The following MYT1L variants were observed in gnomAD, a reference collection of about 807,000 sequenced individuals.
MYT1L encodes the protein myelin transcription factor 1 like.
Under a neutral mutation model 126.7 loss-of-function variants are expected in MYT1L, and 12 were observed. The observed-to-expected ratio is 0.09, with a 90% CI of 0.06 to 0.15. MYT1L has a LOEUF of 0.15. Ranked by LOEUF, MYT1L falls within the 10% of genes least tolerant of loss-of-function variation. The probability of loss-of-function intolerance (pLI) is 1.00; values close to 1 mark genes in which losing one functional copy is unlikely to be tolerated. For missense variants in MYT1L, 979 were observed against 1,585.2 expected (o/e 0.62, Z 6.49); for synonymous variants, 541 against 604.2 (o/e 0.90, Z 1.53).
intron 3 of MYT1L, among the ~76,000 whole-genome samples, chr2:2,120,562 G>C (rs2080854718): frequency 6.6e-6 from 1 of 151,916 alleles, no homozygotes; most frequent in African/African-American, 2.4e-5. Context: ...ATTGTGCCCT[G>C]AAGGCCGGCT....
chr2:2,247,539 T>C (rs755937802), intron 2 of MYT1L, among the ~76,000 whole-genome samples: 1 of 152,162 alleles, frequency 6.6e-6, no homozygotes, highest in African/African-American at 2.4e-5. Flanking sequence ...ATGGACCTAA[T>C]AGATATTTAA....
At chr2:1,967,291 T>A (rs952131170) in intron 8 of MYT1L, among the ~76,000 whole-genome samples, 1 of 152,212 alleles carries the variant, frequency 6.6e-6, no homozygotes, top group Non-Finnish European at 1.5e-5. Flanking sequence ...AAAAGCCCCA[T>A]GGTTGGTGCC....
rs1359130813 is a variant in MYT1L, at chr2:1,801,329, A to G, written c.3276+367T>C. On this transcript the variant is annotated intron_variant, in intron 23 of 24. Transcript: ENST00000647738. The surrounding 1 kb of genome is among the most constrained non-coding windows in gnomAD (Gnocchi z 4.2). ...ACTCCTTGTTTTAAATTCTGGGAAC[A>G]TCGGCTGTCGCCATACATTTAATAT... 1.2e-5 allele frequency: 2 copies of G among 165,666 alleles called. No homozygotes were observed. The highest frequency in any genetic ancestry group is 6.4e-5 in the Admixed American group (1 of 15,664). The allele number at this position is 165,666 out of a possible 1,614,324, so 10.3% of individuals were successfully genotyped here.
chr2:2,241,274 T>TC (rs199705964), intron 2 of MYT1L, among the ~76,000 whole-genome samples: 1 of 120,982 alleles, frequency 8.3e-6, no homozygotes, highest in East Asian at 4.1e-4. Context: ...AAATACATCT[T>TC]TTGTGTGTGT....
intron 3 of MYT1L, among the ~76,000 whole-genome samples, chr2:2,085,070 C>T (rs969057760): frequency 2.0e-5 from 3 of 152,130 alleles, no homozygotes; most frequent in African/African-American, 7.2e-5. Flanking sequence ...CATGCATTCT[C>T]CTTTCACCTC....
At chr2:1,967,071 T>C (rs1224645997) in intron 8 of MYT1L, among the ~76,000 whole-genome samples, 1 of 152,208 alleles carries the variant, frequency 6.6e-6, no homozygotes, top group Admixed American at 6.5e-5. Flanking sequence ...CACGGATGAA[T>C]TGTGACAACA....
At chr2:2,193,425 C>T (rs573759248) in intron 2 of MYT1L, among the ~76,000 whole-genome samples, 2 of 152,284 alleles carry the variant, frequency 1.3e-5, no homozygotes, top group South Asian at 2.1e-4. Context: ...AAGTCATGTG[C>T]CCTGGAGTCA....
intron 1 of MYT1L, among the ~76,000 whole-genome samples, chr2:2,308,077 C>T (rs2095884798): frequency 6.6e-6 from 1 of 151,846 alleles, no homozygotes; most frequent in Admixed American, 6.6e-5. Flanking sequence ...ATCTATACTT[C>T]TGTACACTCT....
At chr2:2,225,495 G>A (rs2093985212) in intron 2 of MYT1L, among the ~76,000 whole-genome samples, 1 of 152,212 alleles carries the variant, frequency 6.6e-6, no homozygotes, top group South Asian at 2.1e-4. Flanking sequence ...CATGGACATT[G>A]CTGGTTGGGA....
intron 5 of MYT1L, among the ~76,000 whole-genome samples, chr2:1,996,155 G>A (rs949322412): frequency 2.0e-5 from 3 of 152,236 alleles, no homozygotes; most frequent in African/African-American, 7.2e-5. Context: ...GTCTGGAAGA[G>A]GCTAGGAAAC....
intron 3 of MYT1L, among the ~76,000 whole-genome samples, chr2:2,101,552 C>T (rs919948838): frequency 6.6e-6 from 1 of 151,886 alleles, no homozygotes; most frequent in East Asian, 1.9e-4. Context: ...CATCCATCAA[C>T]CCATCCATCC....
At chr2:2,033,900 A>G (rs2066702765) in intron 4 of MYT1L, among the ~76,000 whole-genome samples, 1 of 152,142 alleles carries the variant, frequency 6.6e-6, no homozygotes, top group Non-Finnish European at 1.5e-5. Context: ...TCCCAGGTGC[A>G]TTTCACTCTA....
At chr2:2,187,183 C>A (rs2092273886) in intron 2 of MYT1L, among the ~76,000 whole-genome samples, 1 of 152,054 alleles carries the variant, frequency 6.6e-6, no homozygotes, top group Admixed American at 6.6e-5. Context: ...TCCACCGAGG[C>A]CTTTCCTAAA....
At chr2:1,807,453 C>G (rs1338279282) in intron 22 of MYT1L, among the ~76,000 whole-genome samples, 1 of 152,146 alleles carries the variant, frequency 6.6e-6, no homozygotes, top group Non-Finnish European at 1.5e-5. Flanking sequence ...AAAGGTACAG[C>G]AGGAGGGTGC....
chr2:2,279,439 G>A (rs2095414649), intron 2 of MYT1L, among the ~76,000 whole-genome samples: 1 of 151,232 alleles, frequency 6.6e-6, no homozygotes, highest in African/African-American at 2.4e-5. Flanking sequence ...GTGGAGGAGG[G>A]AAGGGAAGGG....
intron 3 of MYT1L, among the ~76,000 whole-genome samples, chr2:2,086,465 C>T (rs776448734): frequency 2.6e-5 from 4 of 152,278 alleles, no homozygotes; most frequent in Admixed American, 6.5e-5. Flanking sequence ...CAGTTAATCT[C>T]GGAACAGAAA....
intron 3 of MYT1L, among the ~76,000 whole-genome samples, chr2:2,094,921 A>T (rs1315772872): frequency 2.6e-5 from 4 of 151,672 alleles, no homozygotes; most frequent in Non-Finnish European, 5.9e-5. Context: ...TAAAGTATAT[A>T]AAAAAAAGAT....
At chr2:1,886,317 A>G (rs2048166272) in intron 18 of MYT1L, 1 of 397,568 alleles carries the variant, frequency 2.5e-6, no homozygotes, top group Non-Finnish European at 4.4e-6. Flanking sequence ...GAAGGATATG[A>G]TATGAACAAG....
chr2:2,083,079 C>A (rs573247966), intron 3 of MYT1L, among the ~76,000 whole-genome samples: 1 of 152,212 alleles, frequency 6.6e-6, no homozygotes, highest in Non-Finnish European at 1.5e-5. Context: ...TGAGCTTGCA[C>A]ACACCTAGAA....
Sources: allele counts gnomAD v4.1 joint callset (sites outside exome capture counted in the v4.1 genomes callset), GRCh38; gene constraint gnomAD v4.1.1; non-coding constraint Gnocchi (gnomAD v3.1); transcripts MANE v1.5; gene names NCBI Gene and HGNC (gene_info 2026-07-23, HGNC 2026-07-21).